SVEP1: variants seen among roughly 807,000 people sequenced by gnomAD.
SVEP1 encodes the protein sushi, von Willebrand factor type A, EGF and pentraxin domain containing 1, also known as sushi, von Willebrand factor type A, EGF and pentraxin domain-containing protein 1.
SVEP1 carries 164 observed loss-of-function variants against 367.3 expected under a neutral mutation model. The ratio of observed to expected loss-of-function variants is 0.45; its 90% CI spans 0.39 to 0.51. SVEP1 has a LOEUF of 0.51. SVEP1 is among the 20% of genes least tolerant of loss of function. SVEP1 has a pLI of 0.00. For synonymous variants in SVEP1, 1,666 were observed against 1,611.6 expected (o/e 1.03, Z -0.81); for missense variants, 4,117 against 4,425.3 (o/e 0.93, Z 1.98).
chr9:110,547,097 C>A (rs1172587975), intron 2 of SVEP1, among the ~76,000 whole-genome samples: 2 of 152,142 alleles, frequency 1.3e-5, no homozygotes, highest in African/African-American at 4.8e-5. Flanking sequence ...ACACGGGCTG[C>A]AATTGGACAC....
chr9:110,541,805 CTATA>C (rs1482086837), intron 3 of SVEP1, among the ~76,000 whole-genome samples: 9 of 141,510 alleles, frequency 6.4e-5, no homozygotes, highest in African/African-American at 2.3e-4. Flanking sequence ...CTATATATAT[CTATA>C]TACATAGATA....
intron 3 of SVEP1, among the ~76,000 whole-genome samples, chr9:110,531,438 T>C (rs1045887306): frequency 2.0e-5 from 3 of 152,132 alleles, no homozygotes; most frequent in Non-Finnish European, 2.9e-5. Flanking sequence ...GTTACCCTCA[T>C]GCTGTTCTCG....
chr9:110,395,318 C>A (rs180805121), intron 40 of SVEP1, among the ~76,000 whole-genome samples: 20,913 of 152,078 alleles, frequency 0.14, 1,600 homozygotes, highest in African/African-American at 0.19. Context: ...ATTTTGTCAC[C>A]ACCAGGCCTG....
chr9:110,433,886 A>G (rs1828391301), intron 30 of SVEP1, among the ~76,000 whole-genome samples: 1 of 152,106 alleles, frequency 6.6e-6, no homozygotes, highest in Non-Finnish European at 1.5e-5. Context: ...TGTCTCTCCT[A>G]TTAGAATGTA....
chr9:110,406,995 T>C lies in SVEP1; in HGVS notation c.8605A>G (p.Arg2869Gly), dbSNP rs1430350033. Residue 2869 changes from arginine to glycine, a missense_variant, in exon 38 of 48, where the codon AGG becomes GGG. Transcript: ENST00000374469. ...CNEGFLLEGA[R>G]SRVCLANGSW... Reference sequence around the variant, plus strand: ...CCATTGGCAAGACAAACCCGACTCCTGGCTCCCTCAAGCAAGAACCCTTCA... The same window carrying C: ...CCATTGGCAAGACAAACCCGACTCCCGGCTCCCTCAAGCAAGAACCCTTCA... 7 of 1,613,850 alleles carry C rather than the reference T, an allele frequency of 4.3e-6. No individual in the cohort carries two copies. The Admixed American group carries it at 6.7e-5, about 15-fold the overall frequency.
Position 110,445,915 on chromosome 9 carries a change from T to G in SVEP1, c.4385A>C (p.Asp1462Ala). The change falls in exon 26 of 48, where the codon GAC becomes GCC. Residue 1462 changes from aspartate to alanine, a missense_variant. Coordinates refer to ENST00000374469, the MANE Select transcript of SVEP1 (RefSeq NM_153366.4). ...GGAGATTGGTGTTCCATAGTTCATG[T>G]CGTCAGAGGATTTCATCCAGAAGGT... ...TCTFWMKSSD[D>A]MNYGTPISYA... The G allele has an allele frequency of 2.5e-6, 4 of 1,613,962 alleles. No individual in the cohort carries two copies. The highest frequency in any genetic ancestry group is 3.4e-6 in the Non-Finnish European group (4 of 1,179,858).
chr9:110,540,030 G>C (rs1830124836), intron 3 of SVEP1, among the ~76,000 whole-genome samples: 1 of 152,046 alleles, frequency 6.6e-6, no homozygotes, highest in Non-Finnish European at 1.5e-5. Context: ...ATGCTCCAGA[G>C]AGTTATTGTA....
chr9:110,549,900 G>A lies in SVEP1; in HGVS notation c.736C>T (p.Leu246=), dbSNP rs1830261194. The change falls in exon 2 of 48, where the codon CTA becomes TTA. Residue 246 remains leucine, a synonymous_variant. Coordinates refer to ENST00000374469, the MANE Select transcript of SVEP1 (RefSeq NM_153366.4). Reference sequence around the variant, plus strand: ...GCCTCAAATTCTTCAAAACTGTGTAGCAGGTAACAGTGCTCCTCCTTTGGG... The same window carrying A: ...GCCTCAAATTCTTCAAAACTGTGTAACAGGTAACAGTGCTCCTCCTTTGGG... ...STPKEEHCYL[L]HSFEEFEALA... 1.9e-6 allele frequency: 3 copies of A among 1,613,814 alleles called. No individual in the cohort carries two copies. The highest frequency in any genetic ancestry group is 1.3e-5 in the African/African-American group (1 of 74,932).
At chr9:110,477,829 C>T (rs763619384) in intron 13 of SVEP1, among the ~76,000 whole-genome samples, 2 of 152,298 alleles carry the variant, frequency 1.3e-5, no homozygotes. Context: ...TCATCTCTTG[C>T]TTTCATTTCC....
chr9:110,441,247 GAAAT>G (rs1828505480), intron 27 of SVEP1, among the ~76,000 whole-genome samples: 1 of 152,118 alleles, frequency 6.6e-6, no homozygotes, highest in African/African-American at 2.4e-5. Flanking sequence ...CTAGTATTAT[GAAAT>G]AATTATATGA....
At chr9:110,387,234 C>A in intron 42 of SVEP1, 51 bp downstream of exon 42, 2 of 1,509,494 alleles carry the variant, frequency 1.3e-6, no homozygotes, top group Admixed American at 2.4e-5. Context: ...ATGCGGGAAG[C>A]TAATCGTGAA....
intron 27 of SVEP1, among the ~76,000 whole-genome samples, chr9:110,439,951 A>C (rs1828488928): frequency 6.6e-6 from 1 of 152,182 alleles, no homozygotes. Context: ...TAAAGATAAA[A>C]ATGCTTTTTT....
chr9:110,399,094 C>G (rs541260485), intron 40 of SVEP1, among the ~76,000 whole-genome samples: 2 of 152,116 alleles, frequency 1.3e-5, no homozygotes, highest in African/African-American at 2.4e-5. Flanking sequence ...TGGAACCAAC[C>G]CAAATGTCCA....
chr9:110,438,172 ATGC>A (rs1159922930), intron 27 of SVEP1, among the ~76,000 whole-genome samples: 2 of 130,090 alleles, frequency 1.5e-5, no homozygotes, highest in Non-Finnish European at 3.2e-5. Context: ...TTTAGTAGTT[ATGC>A]TATTTTTTTT....
At chr9:110,485,265 C>T (rs573849576) in intron 9 of SVEP1, among the ~76,000 whole-genome samples, 23 of 152,280 alleles carry the variant, frequency 1.5e-4, no homozygotes, top group African/African-American at 5.5e-4. Context: ...TAAAAAGGAA[C>T]AAGATCAGAT....
intron 1 of SVEP1, among the ~76,000 whole-genome samples, chr9:110,556,056 G>A (rs1830353797): frequency 6.6e-6 from 1 of 152,130 alleles, no homozygotes; most frequent in East Asian, 1.9e-4. Context: ...CAAACCCTCT[G>A]CTGCCAAAGA....
At chr9:110,541,793 ATC>A (rs1209172379) in intron 3 of SVEP1, among the ~76,000 whole-genome samples, 11 of 144,402 alleles carry the variant, frequency 7.6e-5, no homozygotes, top group African/African-American at 2.8e-4. Flanking sequence ...ATACATAGAT[ATC>A]TATATATATC....
chr9:110,516,721 T>C (rs1456235305), intron 3 of SVEP1, among the ~76,000 whole-genome samples: 2 of 152,108 alleles, frequency 1.3e-5, no homozygotes, highest in Non-Finnish European at 2.9e-5. Flanking sequence ...AGAATTGTCA[T>C]TGGGCCAGTA....
chr9:110,400,552 A>C (rs1037458635), intron 40 of SVEP1, among the ~76,000 whole-genome samples: 1 of 152,014 alleles, frequency 6.6e-6, no homozygotes, highest in Non-Finnish European at 1.5e-5. Context: ...TTTTTAGTAG[A>C]GACGGGGTTT....
Sources: allele counts gnomAD v4.1 joint callset (sites outside exome capture counted in the v4.1 genomes callset), GRCh38; gene constraint gnomAD v4.1.1; transcripts MANE v1.5; gene names NCBI Gene and HGNC (gene_info 2026-07-23, HGNC 2026-07-21).